The following NF1 variants were observed in gnomAD, a reference collection of about 807,000 sequenced individuals.
NF1 encodes neurofibromin 1.
Under a neutral mutation model 325.7 loss-of-function variants are expected in NF1, and 122 were observed. The observed-to-expected ratio is 0.37, with a 90% confidence interval of 0.32 to 0.44. The LOEUF is 0.44. NF1 is among the 20% of genes least tolerant of loss of function. The pLI is 1.00. For missense variants in NF1, 2,140 were observed against 3,415.4 expected, an observed-to-expected ratio of 0.63 and a Z score of 9.31; for synonymous variants, 1,091 against 1,186.0, an observed-to-expected ratio of 0.92 and a Z score of 1.65.
At chr17:31,366,743 T>C (rs1256252083) in intron 57 of NF1, among the ~76,000 whole-genome samples, 3 of 152,286 alleles carry the variant, frequency 2.0e-5, no homozygotes, top group Non-Finnish European at 4.4e-5. Context: ...GGAAAAGAAA[T>C]ATCTCCCTTT....
rs2069659387 is a variant in NF1 at position 31,336,054 on chromosome 17, T to TA, written c.6007-278dup. Among the ~76,000 whole-genome samples the TA allele has an allele frequency of 6.6e-6, 1 of 152,116 alleles. No homozygotes were observed. Among genetic ancestry groups the TA allele is most frequent in the Non-Finnish European group, 1.5e-5 (1 of 68,018 alleles). On this transcript the variant is annotated intron_variant, in intron 40 of 57. Transcript: ENST00000358273. The surrounding 1 kb of genome is among the most constrained non-coding windows in gnomAD (Gnocchi z 5.5). Reference sequence around the variant, plus strand: ...TTACTGTCTTAGAAAAGCATAGAGATACTTTGCAAGTGACTGAAGATAGTA... The same window carrying TA: ...TTACTGTCTTAGAAAAGCATAGAGATAACTTTGCAAGTGACTGAAGATAGTA...
chr17:31,352,493 A>C, intron 51 of NF1, 79 bp downstream of exon 51: 1 of 1,356,168 alleles, frequency 7.4e-7, no homozygotes, highest in South Asian at 1.5e-5. Flanking sequence ...ATTATTTGAA[A>C]TTTCAGGATT....
chr17:31,208,688 C>T (rs529634851), intron 12 of NF1, among the ~76,000 whole-genome samples: 7 of 152,158 alleles, frequency 4.6e-5, no homozygotes, highest in South Asian at 2.1e-4. Flanking sequence ...GTCAGGAGGT[C>T]GAGACCAGCC....
At chr17:31,222,272 A>G in intron 15 of NF1, 8 of 1,053,990 alleles carry the variant, frequency 7.6e-6, no homozygotes, top group Non-Finnish European at 9.2e-6. Context: ...AAAATTTTGT[A>G]ACAATACTGT....
intron 36 of NF1, among the ~76,000 whole-genome samples, chr17:31,315,019 CATT>C (rs2068984606): frequency 1.3e-5 from 2 of 152,284 alleles, no homozygotes; most frequent in South Asian, 4.1e-4. Context: ...GATGAGGTAT[CATT>C]GTAGTTTTGA....
At chr17:31,256,272 G>T (rs1485919218) in intron 31 of NF1, among the ~76,000 whole-genome samples, 1 of 152,124 alleles carries the variant, frequency 6.6e-6, no homozygotes, top group Non-Finnish European at 1.5e-5. Context: ...CAAGTAGCTG[G>T]GATTACAGGT....
intron 18 of NF1, 65 bp downstream of exon 18, chr17:31,226,749 A>G (rs2151426350): frequency 1.2e-6 from 2 of 1,602,754 alleles, no homozygotes; most frequent in Non-Finnish European, 1.7e-6. Flanking sequence ...TGATTTTGAG[A>G]ATGTATTTAA....
At position 31,219,024 on chromosome 17, in the gene NF1, C is replaced by A. The variant is rs2143985858; in HGVS notation, c.1547C>A (p.Pro516His). The A allele has an allele frequency of 6.2e-7, 1 of 1,613,468 alleles. No individual in the cohort carries two copies. The highest frequency in any genetic ancestry group is 8.5e-7 in the Non-Finnish European group (1 of 1,179,754). The change falls in exon 14 of 58, where the codon CCC becomes CAC. Residue 516 changes from proline to histidine, a missense_variant. By Grantham distance (77) the Pro-to-His change is moderately conservative. Around this residue, in one of 10 missense-constraint regions of NF1, gnomAD observed 179 missense variants for 381.0 expected, o/e 0.47. Coordinates refer to ENST00000358273, the MANE Select transcript of NF1 (RefSeq NM_001042492.3). ...TTGCAGAATCCAAGAAAACAGGGGC[C>A]CGAAACCCAAGGCAGTACAGCAGAA... Reference protein sequence around the residue: ...LLLCNPRKQGPETQGSTAELI... With the variant: ...LLLCNPRKQGHETQGSTAELI...
At chr17:31,127,561 G>T (rs1914989983) in intron 1 of NF1, among the ~76,000 whole-genome samples, 1 of 150,514 alleles carries the variant, frequency 6.6e-6, no homozygotes, top group African/African-American at 2.4e-5. Flanking sequence ...ATTGTATATA[G>T]AAATGAAATT....
At chr17:31,265,088 G>T in intron 35 of NF1, 141 bp from the exon 36 acceptor site, 2 of 618,796 alleles carry the variant, frequency 3.2e-6, no homozygotes, top group South Asian at 3.8e-5. Flanking sequence ...GGTGCATGTT[G>T]CCAAATTACC....
At chr17:31,108,222 CAT>C (rs1234470562) in intron 1 of NF1, among the ~76,000 whole-genome samples, 11 of 146,308 alleles carry the variant, frequency 7.5e-5, no homozygotes, top group African/African-American at 2.8e-4. Flanking sequence ...TGTTAATTCA[CAT>C]GTTTTAAAAT....
At chr17:31,151,775 T>C (rs1191375532) in intron 1 of NF1, among the ~76,000 whole-genome samples, 1 of 152,242 alleles carries the variant, frequency 6.6e-6, no homozygotes, top group Admixed American at 6.5e-5. Flanking sequence ...TAAAATTTAT[T>C]TTTTGATCTG....
intron 1 of NF1, 105 bp downstream of exon 1, chr17:31,095,474 C>G (rs929591601): frequency 8.8e-7 from 1 of 1,131,306 alleles, no homozygotes; most frequent in African/African-American, 1.6e-5. Flanking sequence ...GCCTCAGGCT[C>G]TGGAGGAAAG....
intron 8 of NF1, among the ~76,000 whole-genome samples, chr17:31,194,756 T>C (rs1356248945): frequency 6.6e-6 from 1 of 152,194 alleles, no homozygotes; most frequent in Non-Finnish European, 1.5e-5. Context: ...AAATGTTCAC[T>C]TTAAATTTGG....
In NF1 at chr17:31,352,265, A is replaced by G. The variant is rs864622249; in HGVS notation, c.7466A>G (p.Lys2489Arg). 11 of 1,614,038 alleles carry G rather than the reference A, an allele frequency of 6.8e-6. No homozygotes were observed. Among genetic ancestry groups the G allele is most frequent in the Non-Finnish European group, 9.3e-6 (11 of 1,179,922 alleles). Residue 2489 changes from lysine to arginine, a missense_variant, in exon 51 of 58, where the codon AAG becomes AGG. Physicochemically the swap from Lys to Arg is conservative, Grantham distance 26. Around this residue, in one of 10 missense-constraint regions of NF1, gnomAD observed 522 missense variants for 749.0 expected, o/e 0.70. Transcript: ENST00000358273. ...HHGDPSYRTL[K>R]ETQPWSSPKG... ...TTGTTTTCATCTTTCAGGACACTAAAGGAGACTCAGCCATGGTCCTCTCCC... is the reference window on the plus strand; with the variant it reads ...TTGTTTTCATCTTTCAGGACACTAAGGGAGACTCAGCCATGGTCCTCTCCC...
chr17:31,126,362 CTG>C (rs1567801242), intron 1 of NF1, among the ~76,000 whole-genome samples: 3 of 151,910 alleles, frequency 2.0e-5, no homozygotes, highest in African/African-American at 7.3e-5. Flanking sequence ...TGTGAAGTGT[CTG>C]TATATACTTT....
intron 11 of NF1, among the ~76,000 whole-genome samples, chr17:31,203,197 C>T (rs778547201): frequency 2.6e-5 from 4 of 152,118 alleles, no homozygotes; most frequent in Non-Finnish European, 4.4e-5. Flanking sequence ...ATGCATGCCT[C>T]AGTGTACTTG....
At chr17:31,292,143 A>C (rs1261179797) in intron 36 of NF1, among the ~76,000 whole-genome samples, 1 of 152,236 alleles carries the variant, frequency 6.6e-6, no homozygotes, top group East Asian at 1.9e-4. Context: ...ATGGTCATAC[A>C]GCTGAGAAGT....
At chr17:31,122,894 G>C (rs186884130) in intron 1 of NF1, among the ~76,000 whole-genome samples, 44 of 152,202 alleles carry the variant, frequency 2.9e-4, no homozygotes, top group South Asian at 1.5e-3. Flanking sequence ...CCCTCTTCAT[G>C]ATGAGTCCAA....
Sources: allele counts gnomAD v4.1 joint callset (sites outside exome capture counted in the v4.1 genomes callset), GRCh38; gene constraint gnomAD v4.1.1; regional missense constraint gnomAD v4.1.1; non-coding constraint Gnocchi (gnomAD v3.1); transcripts MANE v1.5; gene names NCBI Gene and HGNC (gene_info 2026-07-23, HGNC 2026-07-21).